FANCD2: variants seen among roughly 807,000 people sequenced by gnomAD.
FANCD2 encodes the protein Fanconi anemia group D2 protein.
A neutral mutation model predicts 192.3 loss-of-function variants in FANCD2; 131 were observed. The observed-to-expected ratio is 0.68, with a 90% CI of 0.59 to 0.79. The LOEUF (loss-of-function observed/expected upper bound fraction) is 0.79. FANCD2 is among the 30% of genes least tolerant of loss of function. FANCD2 has a pLI of 0.00. For missense variants in FANCD2, 1,508 were observed against 1,701.6 expected (o/e 0.89, Z 2.00); for synonymous variants, 524 against 612.5 (o/e 0.86, Z 2.13).
At chr3:10,040,209 G>T in intron 9 of FANCD2, 1 of 324,866 alleles carries the variant, frequency 3.1e-6, no homozygotes, top group South Asian at 3.0e-5. Flanking sequence ...TAATTTTTTT[G>T]GTATTTTTAG....
rs1429678820 is a variant in FANCD2 at position 10,073,001 on chromosome 3, C to G, written c.2605+20C>G. 3.7e-6 allele frequency: 5 copies of G among 1,362,912 alleles called. No homozygotes were observed. In the East Asian group the frequency reaches 6.9e-5, roughly 19 times the overall value. The allele number at this position is 1,362,912 out of a possible 1,614,324, so 84.4% of individuals were successfully genotyped here. On this transcript the variant is annotated intron_variant, in intron 27 of 43. Transcript: ENST00000675286. ...AAATAGGTAAGTATGTTCTTTTCCTCTTGTCTTGTGTCTCTAAATAAGCTT... is the reference window on the plus strand; with the variant it reads ...AAATAGGTAAGTATGTTCTTTTCCTGTTGTCTTGTGTCTCTAAATAAGCTT...
chr3:10,040,967 G>C (rs986611535), intron 9 of FANCD2: 2 of 166,034 alleles, frequency 1.2e-5, no homozygotes, highest in African/African-American at 4.8e-5. Flanking sequence ...GCTGAAGTGG[G>C]TGGGTCACTT....
At chr3:10,040,052 T>G (rs1300339959) in intron 9 of FANCD2, 1 of 533,276 alleles carries the variant, frequency 1.9e-6, no homozygotes, top group South Asian at 2.5e-5. Flanking sequence ...TTTTTTTTTT[T>G]CTGAGACAGT....
At chr3:10,090,240 G>C in intron 36 of FANCD2, 52 bp from the exon 37 acceptor site, 1 of 1,360,232 alleles carries the variant, frequency 7.4e-7, no homozygotes, top group Non-Finnish European at 1.1e-6. Flanking sequence ...TTCCCAGGTA[G>C]TTCTAAGCAG....
At chr3:10,035,311 C>A in intron 6 of FANCD2, 78 bp downstream of exon 6, 2 of 1,252,168 alleles carry the variant, frequency 1.6e-6, no homozygotes, top group Non-Finnish European at 2.3e-6. Flanking sequence ...AGCGGGAACA[C>A]AGGATAGAGT....
At chr3:10,043,214 C>G in intron 12 of FANCD2, 64 bp downstream of exon 12, 2 of 1,124,630 alleles carry the variant, frequency 1.8e-6, no homozygotes, top group Non-Finnish European at 2.7e-6. Flanking sequence ...AGAGTTAGAG[C>G]TTAATACTAC....
chr3:10,064,618 TTC>T (rs2087663402), intron 22 of FANCD2, 109 bp from the exon 23 acceptor site: 1 of 1,340,458 alleles, frequency 7.5e-7, no homozygotes, highest in African/African-American at 1.5e-5. Flanking sequence ...CTGTTTGTTC[TTC>T]TAATTTCTCC....
At chr3:10,070,315 C>A (rs189446835) in intron 26 of FANCD2, among the ~76,000 whole-genome samples, 2 of 149,702 alleles carry the variant, frequency 1.3e-5, no homozygotes, top group Non-Finnish European at 3.0e-5. Flanking sequence ...GCAGCCACCC[C>A]GTCCGGGAGG....
chr3:10,041,070 T>TC (rs2086852834), intron 9 of FANCD2: 1 of 168,424 alleles, frequency 5.9e-6, no homozygotes, highest in Non-Finnish European at 1.3e-5. Flanking sequence ...GGTACGCACT[T>TC]ATAATTCTAG....
At chr3:10,054,708 C>A (rs2087356684) in intron 18 of FANCD2, among the ~76,000 whole-genome samples, 1 of 150,598 alleles carries the variant, frequency 6.6e-6, no homozygotes, top group African/African-American at 2.4e-5. Flanking sequence ...TGGTCTTGAT[C>A]TCCTGACCTC....
At chr3:10,087,674 G>GTC (rs1694302262) in intron 34 of FANCD2, among the ~76,000 whole-genome samples, 1 of 151,858 alleles carries the variant, frequency 6.6e-6, no homozygotes, top group East Asian at 1.9e-4. Flanking sequence ...TTGAGACAGA[G>GTC]TCTCGTTCTG....
chr3:10,094,433 C>T (rs2125091023), intron 40 of FANCD2, 70 bp downstream of exon 40: 1 of 1,332,910 alleles, frequency 7.5e-7, no homozygotes. Flanking sequence ...CTTGGTGACT[C>T]CTGGGTGGGG....
Position 10,041,636 on chromosome 3 carries a change from G to C in FANCD2, c.709G>C (p.Glu237Gln). ...TACCATTCACAGTGACCTACTGATAGAGAATACTTCACTCACTGTCCCAAT... is the reference window on the plus strand; with the variant it reads ...TACCATTCACAGTGACCTACTGATACAGAATACTTCACTCACTGTCCCAAT... Reference protein sequence around the residue: ...VGKELSDLLIENTSLTVPILD... With the variant: ...VGKELSDLLIQNTSLTVPILD... Residue 237 changes from glutamate (E) to glutamine (Q), a missense_variant, in exon 10 of 44, where the codon GAG becomes CAG. By Grantham distance (29) the Glu-to-Gln change is conservative. Around this residue, in one of 5 missense-constraint regions of FANCD2, gnomAD observed 435 missense variants for 421.9 expected, o/e 1.03. Coordinates refer to ENST00000675286, the MANE Select transcript of FANCD2 (RefSeq NM_001018115.3). The C allele has an allele frequency of 1.2e-6, 2 of 1,613,098 alleles. No homozygotes were observed. Among genetic ancestry groups the C allele is most frequent in the South Asian group, 2.2e-5 (2 of 91,042 alleles).
intron 3 of FANCD2, among the ~76,000 whole-genome samples, chr3:10,033,698 CTTT>C (rs34115008): frequency 2.2e-5 from 2 of 89,376 alleles, no homozygotes; most frequent in Non-Finnish European, 2.0e-5. Context: ...AAAGCTAAGT[CTTT>C]TTTTTTTTTT....
intron 43 of FANCD2, chr3:10,099,232 G>A: frequency 7.5e-7 from 1 of 1,335,902 alleles, no homozygotes; most frequent in Non-Finnish European, 9.6e-7. Flanking sequence ...AAAGCACAGA[G>A]TCAGAAGCTG....
intron 17 of FANCD2, among the ~76,000 whole-genome samples, chr3:10,050,486 C>A (rs781102924): frequency 4.0e-5 from 6 of 151,770 alleles, no homozygotes; most frequent in African/African-American, 7.2e-5. Context: ...AGCCGGGCAT[C>A]GTGGCGGTCG....
chr3:10,094,241 T>C (rs765039708), intron 39 of FANCD2, 48 bp from the exon 40 acceptor site: 1 of 1,461,054 alleles, frequency 6.8e-7, no homozygotes, highest in South Asian at 1.1e-5. Context: ...CAGGGGCCTT[T>C]CAGTGAGATA....
intron 20 of FANCD2, 21 bp downstream of exon 20, chr3:10,062,232 CTTTCTT>C: frequency 6.3e-7 from 1 of 1,593,766 alleles, no homozygotes; most frequent in Non-Finnish European, 8.6e-7. Context: ...TTTTTCCTTT[CTTTCTT>C]TTTCCTGTCT....
Position 10,032,824 on chromosome 3 carries a change from A to G in FANCD2, c.65-8A>G, listed in dbSNP as rs1412138008. 1.3e-5 allele frequency: 21 copies of G among 1,610,670 alleles called. No homozygotes were observed. Among genetic ancestry groups the G allele is most frequent in the Middle Eastern group, 1.7e-4 (1 of 6,034 alleles). On this transcript the variant is annotated splice_region_variant and splice_polypyrimidine_tract_variant and intron_variant, in intron 2 of 43. Transcript: ENST00000675286. ...TTGCCATATTCTTGAAAATTTTTCT[A>G]TTTTCAGAAACCAGGAAGCAACCAC... is the stretch of plus-strand genomic sequence containing the variant.
Sources: gnomAD v4.1 joint callset for allele counts (sites outside exome capture counted in the v4.1 genomes callset) on GRCh38, gnomAD v4.1.1 for gene constraint, gnomAD v4.1.1 regional missense constraint, MANE v1.5 for transcripts, NCBI Gene and HGNC (gene_info 2026-07-23, HGNC 2026-07-21) for gene names.